Variants in REG1A observed in about 807,000 individuals in gnomAD.
The protein encoded by REG1A is regenerating family member 1 alpha.
Under a neutral mutation model 20.7 loss-of-function variants are expected in REG1A, and 20 were observed. The ratio of observed to expected loss-of-function variants is 0.97; its 90% confidence interval spans 0.68 to 1.41. The LOEUF is 1.41. Among genes scored for constraint, REG1A ranks in the 40% most tolerant of loss-of-function variants. The pLI, the probability that REG1A is intolerant of heterozygous loss-of-function variation, is 0.00. For missense variants in REG1A, 193 were observed against 201.8 expected (o/e 0.96, Z 0.26); for synonymous variants, 90 against 71.6 (o/e 1.26, Z -1.30).
Position 79,120,933 on chromosome 2 carries a change from C to A in REG1A, c.64+8C>A. On this transcript the variant is annotated splice_region_variant and intron_variant, in intron 2 of 5. Transcript: ENST00000233735. ...TTCTGTCTCAGAGCCAAGGTAAGAT[C>A]TCTTTTCCACCAACCAACTCTTTCT... The A allele has an allele frequency of 6.2e-7, 1 of 1,611,116 alleles. No homozygotes were observed. Among genetic ancestry groups the A allele is most frequent in the Non-Finnish European group, 8.5e-7 (1 of 1,178,292 alleles).
rs1254064793 is a variant in REG1A, at chr2:79,121,590, G to T, written c.93G>T (p.Gln31His). The T allele has an allele frequency of 1.2e-6, 2 of 1,614,090 alleles. No individual in the cohort carries two copies. The highest frequency in any genetic ancestry group is 4.5e-5 in the East Asian group (2 of 44,870). ...AAGAGGCCCAGACAGAGTTGCCCCA[G>T]GCCCGGATCAGCTGCCCAGAAGGCA... ...QGQEAQTELPQARISCPEGTN... is the reference protein window; with the variant it reads ...QGQEAQTELPHARISCPEGTN... The change falls in exon 3 of 6, where the codon CAG becomes CAT. Residue 31 changes from glutamine to histidine, a missense_variant. Physicochemically the swap from Gln to His is conservative, Grantham distance 24. Coordinates refer to ENST00000233735, the MANE Select transcript of REG1A (RefSeq NM_002909.5).
chr2:79,121,459 C>A, intron 2 of REG1A, 103 bp from the exon 3 acceptor site: 2 of 882,498 alleles, frequency 2.3e-6, no homozygotes, highest in Non-Finnish European at 3.8e-6. Flanking sequence ...CCATAATAGA[C>A]TGGATTCTTC....
At chr2:79,123,066 T>G (rs762136675) in intron 5 of REG1A, 82 bp from the exon 6 acceptor site, 441 of 1,446,204 alleles carry the variant, frequency 3.0e-4, no homozygotes, top group Admixed American at 7.0e-4. Context: ...AATGGATGTT[T>G]GGTTTTTGTC....
At position 79,122,894 on chromosome 2, in the gene REG1A, C is replaced by T; in HGVS notation, c.375C>T (p.Gly125=). ...SGSLVSYKSW[G]IGAPSSVNPG... ...CCCTGGTCTCCTACAAGTCCTGGGG[C>T]ATTGGAGCCCCAAGCAGTGTTAATC... is the stretch of plus-strand genomic sequence containing the variant. The change falls in exon 5 of 6, where the codon GGC becomes GGT. Residue 125 remains glycine (G), a synonymous_variant. Coordinates refer to ENST00000233735, the MANE Select transcript of REG1A (RefSeq NM_002909.5). 1 of 1,613,994 alleles carries T rather than the reference C, an allele frequency of 6.2e-7. No homozygotes were observed. Among genetic ancestry groups the T allele is most frequent in the South Asian group, 1.1e-5 (1 of 91,074 alleles).
chr2:79,121,859 T>C lies in REG1A; in HGVS notation c.184-129T>C, dbSNP rs765498334. 6 of 1,404,454 alleles carry C rather than the reference T, an allele frequency of 4.3e-6. No individual in the cohort carries two copies. The Admixed American group carries it at 6.8e-5, about 16-fold the overall frequency. The allele number at this position is 1,404,454 out of a possible 1,614,324, so 87.0% of individuals were successfully genotyped here. A position where few individuals can be genotyped will look rare whatever the true frequency, so the allele number is the denominator to read the frequency against. On this transcript the variant is annotated intron_variant, in intron 3 of 5. Coordinates refer to ENST00000233735, the MANE Select transcript of REG1A (RefSeq NM_002909.5). ...CAGCACATTCCCAGCACAAAGAACC[T>C]GGTGGTCAGTGACAGCATCATCACG...
chr2:79,121,514 C>G, intron 2 of REG1A, 48 bp from the exon 3 acceptor site: 1 of 1,494,264 alleles, frequency 6.7e-7, no homozygotes, highest in Admixed American at 1.7e-5. Context: ...CACCTTCAAG[C>G]CTTTTCCTTA....
chr2:79,121,415 A>T, intron 2 of REG1A, 147 bp from the exon 3 acceptor site: 3 of 698,160 alleles, frequency 4.3e-6, no homozygotes, highest in Non-Finnish European at 5.1e-6. Context: ...AAGACAGAAG[A>T]TGTAGGATGC....
chr2:79,121,487 C>A (rs990821921), intron 2 of REG1A, 75 bp from the exon 3 acceptor site: 28 of 1,180,466 alleles, frequency 2.4e-5, no homozygotes, highest in Non-Finnish European at 3.2e-5. Context: ...ATAAAGGAAC[C>A]TCAGAAGCTC....
At chr2:79,121,777 A>G in intron 3 of REG1A, 97 bp downstream of exon 3, 2 of 1,342,388 alleles carry the variant, frequency 1.5e-6, no homozygotes, top group East Asian at 2.3e-5. Context: ...ATGAGACTGA[A>G]CCCCTTGCTA....
rs1672886460 is a variant in REG1A at position 79,121,582 on chromosome 2, T to A, written c.85T>A (p.Leu29Met). 6.2e-7 allele frequency: 1 copy of A among 1,614,062 alleles called. No individual in the cohort carries two copies. The highest frequency in any genetic ancestry group is 8.5e-7 in the Non-Finnish European group (1 of 1,180,002). The change falls in exon 3 of 6, where the codon TTG (leucine) becomes ATG (methionine). Residue 29 changes from leucine to methionine, a missense_variant. Leu to Met is a conservative substitution (Grantham distance 15). Transcript: ENST00000233735. Reference protein sequence around the residue: ...QSQGQEAQTELPQARISCPEG... With the variant: ...QSQGQEAQTEMPQARISCPEG... ...TTCAGGCCAAGAGGCCCAGACAGAG[T>A]TGCCCCAGGCCCGGATCAGCTGCCC...
chr2:79,123,148 G>A lies in REG1A; in HGVS notation c.434G>A (p.Gly145Glu), dbSNP rs746216425. The change falls in exon 6 of 6, where the codon GGA (glycine) becomes GAA (glutamate). Residue 145 changes from glycine (G) to glutamate (E), a missense_variant and splice_region_variant. Coordinates refer to ENST00000233735, the MANE Select transcript of REG1A (RefSeq NM_002909.5). ...GYCVSLTSST[G>E]FQKWKDVPCE... Reference sequence around the variant, plus strand: ...TGTAACTCTTCTCATTGACTTATAGGATTCCAGAAATGGAAGGATGTGCCT... The same window carrying A: ...TGTAACTCTTCTCATTGACTTATAGAATTCCAGAAATGGAAGGATGTGCCT... The A allele has an allele frequency of 9.7e-5, 157 of 1,611,804 alleles. No individual in the cohort carries two copies. The highest frequency in any genetic ancestry group is 1.3e-4 in the Non-Finnish European group (153 of 1,178,534).
intron 2 of REG1A, 26 bp downstream of exon 2, chr2:79,120,951 C>G: frequency 6.3e-7 from 1 of 1,597,818 alleles, no homozygotes; most frequent in Non-Finnish European, 8.6e-7. Flanking sequence ...CACCAACCAA[C>G]TCTTTCTAGC....
intron 3 of REG1A, 119 bp from the exon 4 acceptor site, chr2:79,121,869 T>C: frequency 6.9e-7 from 1 of 1,439,164 alleles, no homozygotes; most frequent in Non-Finnish European, 9.7e-7. Flanking sequence ...TGGTGGTCAG[T>C]GACAGCATCA....
In REG1A at chr2:79,123,240, G is replaced by T. The variant is rs1207402435; in HGVS notation, c.*25G>T. On this transcript the variant is annotated 3_prime_UTR_variant, in exon 6 of 6. Transcript: ENST00000233735. Reference sequence around the variant, plus strand: ...GAGGCAACTGGAAAATACATGTCTAGAACTGATCCAGCAATTACAACGGAG... The same window carrying T: ...GAGGCAACTGGAAAATACATGTCTATAACTGATCCAGCAATTACAACGGAG... 12 of 1,476,844 alleles carry T rather than the reference G, an allele frequency of 8.1e-6. No individual in the cohort carries two copies. Among genetic ancestry groups the T allele is most frequent in the Admixed American group, 5.4e-5 (3 of 55,946 alleles). The allele number at this position is 1,476,844 out of a possible 1,614,324, so 91.5% of individuals were successfully genotyped here.
chr2:79,121,043 T>C, intron 2 of REG1A, 118 bp downstream of exon 2: 1 of 772,768 alleles, frequency 1.3e-6, no homozygotes, highest in Non-Finnish European at 2.1e-6. Flanking sequence ...AAGGGTTGTT[T>C]TGTGGTGTTT....
At position 79,121,576 on chromosome 2, in the gene REG1A, A is replaced by G; in HGVS notation, c.79A>G (p.Thr27Ala). 1 of 1,614,010 alleles carries G rather than the reference A, an allele frequency of 6.2e-7. No homozygotes were observed. The highest frequency in any genetic ancestry group is 8.5e-7 in the Non-Finnish European group (1 of 1,179,918). The change falls in exon 3 of 6, where the codon ACA (threonine) becomes GCA (alanine). Residue 27 changes from threonine (T) to alanine (A), a missense_variant. Physicochemically the swap from Thr to Ala is moderately conservative, Grantham distance 58. Transcript: ENST00000233735. ...TTCTTTTTCAGGCCAAGAGGCCCAG[A>G]CAGAGTTGCCCCAGGCCCGGATCAG... is the stretch of plus-strand genomic sequence containing the variant. ...LSQSQGQEAQ[T>A]ELPQARISCP...
chr2:79,120,570 C>A (rs1672868183), intron 1 of REG1A, 56 bp downstream of exon 1: 1 of 324,538 alleles, frequency 3.1e-6, no homozygotes, highest in Non-Finnish European at 5.6e-6. Flanking sequence ...GATCTAAAAT[C>A]TTCGGGAAGA....
chr2:79,122,180 G>A, intron 4 of REG1A, 55 bp downstream of exon 4: 1 of 1,582,938 alleles, frequency 6.3e-7, no homozygotes, highest in East Asian at 2.2e-5. Flanking sequence ...GTAAGAAGGA[G>A]GTTCAAGTTC....
rs186956774 is a variant in REG1A, at chr2:79,120,923, A to G, written c.62A>G (p.Gln21Arg). The change falls in exon 2 of 6, where the codon CAA (glutamine) becomes CGA (arginine). Residue 21 changes from glutamine to arginine, a missense_variant and splice_region_variant. Coordinates refer to ENST00000233735, the MANE Select transcript of REG1A (RefSeq NM_002909.5). Reference protein sequence around the residue: ...ISCLMFLSQSQGQEAQTELPQ... With the variant: ...ISCLMFLSQSRGQEAQTELPQ... ...TGCCTGATGTTTCTGTCTCAGAGCC[A>G]AGGTAAGATCTCTTTTCCACCAACC... is the stretch of plus-strand genomic sequence containing the variant. The G allele has an allele frequency of 4.4e-5, 71 of 1,613,114 alleles. No individual in the cohort carries two copies. In the Admixed American group the frequency reaches 1.2e-3, roughly 26 times the overall value.
Sources: gnomAD v4.1 joint callset for allele counts on GRCh38, gnomAD v4.1.1 for gene constraint, MANE v1.5 for transcripts, NCBI Gene and HGNC (gene_info 2026-07-23, HGNC 2026-07-21) for gene names.